Variants in RSPH6A observed in about 807,000 individuals in gnomAD.
RSPH6A encodes radial spoke head 6 homolog A, also known as radial spoke head protein 6 homolog A.
A neutral mutation model predicts 66.1 loss-of-function variants in RSPH6A; 49 were observed. The ratio of observed to expected loss-of-function variants is 0.74; its 90% CI spans 0.59 to 0.94. RSPH6A has a LOEUF of 0.94. RSPH6A is among the 40% of genes least tolerant of loss of function. The pLI is 0.00. For missense variants in RSPH6A, 977 were observed against 948.3 expected, an observed-to-expected ratio of 1.03 and a Z score of -0.40; for synonymous variants, 419 against 402.4, an observed-to-expected ratio of 1.04 and a Z score of -0.49.
In RSPH6A at chr19:45,804,344, C is replaced by T. The variant is rs779368622; in HGVS notation, c.1561G>A (p.Glu521Lys). The T allele has an allele frequency of 1.1e-5, 18 of 1,614,196 alleles. No individual in the cohort carries two copies. The highest frequency in any genetic ancestry group is 6.6e-5 in the South Asian group (6 of 91,086). ...EEGGAGRDSY[E>K]ENPDFEGIPV... ...ATGCCCTCGAAGTCCGGGTTCTCCT[C>T]GTAGGAGTCGCGCCCAGCACCACCT... is the stretch of plus-strand genomic sequence containing the variant. The change falls in exon 3 of 6, where the codon GAG becomes AAG. Residue 521 changes from glutamate to lysine, a missense_variant. By Grantham distance (56) the Glu-to-Lys change is moderately conservative. Coordinates refer to ENST00000221538, the MANE Select transcript of RSPH6A (RefSeq NM_030785.4). The surrounding 1 kb of genome is among the most constrained non-coding windows in gnomAD (Gnocchi z 5.8).
chr19:45,810,547 G>A, intron 2 of RSPH6A, 56 bp downstream of exon 2: 2 of 1,519,474 alleles, frequency 1.3e-6, no homozygotes, highest in Non-Finnish European at 1.8e-6. Context: ...TGTGCCCTAA[G>A]TATGCTTGGG....
chr19:45,811,037 C>T (rs1259168102), intron 1 of RSPH6A, 197 bp from the exon 2 acceptor site: 1 of 424,084 alleles, frequency 2.4e-6, no homozygotes, highest in East Asian at 3.7e-5. Context: ...CTCTGTTGCT[C>T]AGGCTGGAAT....
At chr19:45,799,978 C>T (rs900825395) in intron 5 of RSPH6A, among the ~76,000 whole-genome samples, 1 of 152,130 alleles carries the variant, frequency 6.6e-6, no homozygotes, top group Admixed American at 6.5e-5. Context: ...ACCTGGGAGG[C>T]GGAAGTTTCA....
chr19:45,812,453 C>A (rs942805134), intron 1 of RSPH6A, among the ~76,000 whole-genome samples: 6 of 151,958 alleles, frequency 3.9e-5, no homozygotes, highest in Non-Finnish European at 5.9e-5. Flanking sequence ...TTTTGCTTTG[C>A]GGAAGCTGTT....
rs373724894 is a variant in RSPH6A, at chr19:45,800,587, G to C, written c.1799-24C>G. 1.2e-5 allele frequency: 19 copies of C among 1,593,340 alleles called. No individual in the cohort carries two copies. In the East Asian group the frequency reaches 2.5e-4, roughly 21 times the overall value. On this transcript the variant is annotated intron_variant, in intron 4 of 5. Transcript: ENST00000221538. Reference sequence around the variant, plus strand: ...TTCTGTGGTGGAGAGGCAGCAGAGGGGGGCAGCAGGGTCAGGGAGGCCCCC... The same window carrying C: ...TTCTGTGGTGGAGAGGCAGCAGAGGCGGGCAGCAGGGTCAGGGAGGCCCCC...
In RSPH6A at chr19:45,814,907, C is replaced by T. The variant is rs765101787; in HGVS notation, c.270G>A (p.Val90=). Residue 90 remains valine, a synonymous_variant, in exon 1 of 6, where the codon GTG becomes GTA. Transcript: ENST00000221538. ...ARLGGMEYPS[V]NTGFPSEFQP... is the part of the protein sequence containing the mutation. ...GGAACTCTGAGGGAAAGCCCGTGTT[C>T]ACAGATGGGTACTCCATGCCACCCA... is the stretch of plus-strand genomic sequence containing the variant. 1.1e-5 allele frequency: 17 copies of T among 1,614,158 alleles called. No homozygotes were observed. In the Admixed American group the frequency reaches 2.8e-4, roughly 27 times the overall value.
chr19:45,803,665 G>A (rs540527455), intron 3 of RSPH6A, among the ~76,000 whole-genome samples: 3 of 145,420 alleles, frequency 2.1e-5, no homozygotes, highest in South Asian at 2.2e-4. Flanking sequence ...CAACAAGAGC[G>A]AAATTCTGTC....
chr19:45,815,185 A>G lies in RSPH6A; in HGVS notation c.-9T>C, dbSNP rs766809371. 8 of 1,587,172 alleles carry G rather than the reference A, an allele frequency of 5.0e-6. No homozygotes were observed. The African/African-American group carries it at 9.4e-5, about 19-fold the overall frequency. On this transcript the variant is annotated 5_prime_UTR_variant, in exon 1 of 6. Coordinates refer to ENST00000221538, the MANE Select transcript of RSPH6A (RefSeq NM_030785.4). ...GGCGGCAGGTCTCCCATGGTTCGCC[A>G]GGAGGCACAGATCTCTAGGAGAAAG...
Position 45,814,806 on chromosome 19 carries a change from T to C in RSPH6A, c.371A>G (p.Gln124Arg). ...LTTSLMLQRLQQGQSSLFQQL... is the reference protein window; with the variant it reads ...LTTSLMLQRLRQGQSSLFQQL... Reference sequence around the variant, plus strand: ...CTGGAACAGGCTGCTTTGGCCCTGCTGGAGCCGCTGCAGCATTAGGCTGGT... The same window carrying C: ...CTGGAACAGGCTGCTTTGGCCCTGCCGGAGCCGCTGCAGCATTAGGCTGGT... The change falls in exon 1 of 6, where the codon CAG becomes CGG. Residue 124 changes from glutamine to arginine, a missense_variant. Physicochemically the swap from Gln to Arg is conservative, Grantham distance 43. Transcript: ENST00000221538. The C allele has an allele frequency of 2.5e-6, 4 of 1,613,922 alleles. No homozygotes were observed. The highest frequency in any genetic ancestry group is 3.4e-6 in the Non-Finnish European group (4 of 1,179,882).
chr19:45,810,899 G>C, intron 1 of RSPH6A, 59 bp from the exon 2 acceptor site: 1 of 1,455,674 alleles, frequency 6.9e-7, no homozygotes, highest in Non-Finnish European at 9.4e-7. Flanking sequence ...TCACTGAGCT[G>C]GCTCCCATGT....
intron 2 of RSPH6A, among the ~76,000 whole-genome samples, chr19:45,809,300 C>CTTT (rs56341608): frequency 2.8e-5 from 2 of 70,776 alleles, no homozygotes; most frequent in Non-Finnish European, 5.0e-5. Context: ...TGCGCCTGGC[C>CTTT]TTTTTTTTTT....
intron 4 of RSPH6A, among the ~76,000 whole-genome samples, chr19:45,800,804 T>G (rs1970465005): frequency 6.6e-6 from 1 of 151,272 alleles, no homozygotes; most frequent in Non-Finnish European, 1.5e-5. Context: ...TCTCTTTTTT[T>G]TTTTTTTGGA....
At chr19:45,806,707 A>G (rs1970548660) in intron 2 of RSPH6A, among the ~76,000 whole-genome samples, 2 of 131,776 alleles carry the variant, frequency 1.5e-5, no homozygotes, top group African/African-American at 5.8e-5. Context: ...AAAAAAAAAA[A>G]AGGAGGCCGG....
At chr19:45,814,063 G>T (rs879925571) in intron 1 of RSPH6A, among the ~76,000 whole-genome samples, 6 of 152,154 alleles carry the variant, frequency 3.9e-5, no homozygotes, top group Non-Finnish European at 8.8e-5. Flanking sequence ...GGAGGCTGAA[G>T]CAGAAGAATC....
At position 45,815,162 on chromosome 19, in the gene RSPH6A, C is replaced by G; in HGVS notation, c.15G>C (p.Pro5=). The change falls in exon 1 of 6, where the codon CCG becomes CCC. Residue 5 remains proline, a synonymous_variant. Transcript: ENST00000221538. The part of the protein sequence containing the change: MGDL[P]PYPERPAQQP... ...GCTGGGCAGGGCGCTCAGGGTAGGG[C>G]GGCAGGTCTCCCATGGTTCGCCAGG... The G allele has an allele frequency of 6.2e-7, 1 of 1,604,626 alleles. No homozygotes were observed.
chr19:45,796,432 G>A (rs1409994601), intron 5 of RSPH6A, among the ~76,000 whole-genome samples: 4 of 151,048 alleles, frequency 2.6e-5, no homozygotes, highest in African/African-American at 4.9e-5. Flanking sequence ...GATTACAGAC[G>A]TGAGCCACCG....
At chr19:45,800,770 A>ACAC (rs1282360931) in intron 4 of RSPH6A, among the ~76,000 whole-genome samples, 2 of 84,290 alleles carry the variant, frequency 2.4e-5, no homozygotes, top group African/African-American at 7.4e-5. Flanking sequence ...ACACACACAC[A>ACAC]CACACTCTCT....
intron 3 of RSPH6A, 85 bp from the exon 4 acceptor site, chr19:45,802,349 C>A (rs963411373): frequency 3.3e-6 from 4 of 1,223,270 alleles, no homozygotes; most frequent in Admixed American, 3.9e-5. Context: ...GGCCAACAGG[C>A]ATAGCCTTGT....
chr19:45,805,307 G>A (rs543386407), intron 2 of RSPH6A, among the ~76,000 whole-genome samples: 1 of 152,286 alleles, frequency 6.6e-6, no homozygotes, highest in South Asian at 2.1e-4. Context: ...TGAGGCAGGA[G>A]AATCACTTGA....
Sources: allele counts gnomAD v4.1 joint callset (sites outside exome capture counted in the v4.1 genomes callset), GRCh38; gene constraint gnomAD v4.1.1; non-coding constraint Gnocchi (gnomAD v3.1); transcripts MANE v1.5; gene names NCBI Gene and HGNC (gene_info 2026-07-23, HGNC 2026-07-21).